CTNNA2: variants seen among roughly 807,000 people sequenced by gnomAD.
The protein encoded by CTNNA2 is catenin alpha-2.
A neutral mutation model predicts 101.0 loss-of-function variants in CTNNA2; 42 were observed. The ratio of observed to expected loss-of-function variants is 0.42; its 90% CI spans 0.32 to 0.54. The LOEUF (loss-of-function observed/expected upper bound fraction) is 0.54, where lower values mean the gene tolerates loss of function less well. Ranked by LOEUF, CTNNA2 falls within the 20% of genes least tolerant of loss-of-function variation. The probability of loss-of-function intolerance (pLI) is 0.14; values close to 1 mark genes in which losing one functional copy is unlikely to be tolerated. For synonymous variants in CTNNA2, 450 were observed against 456.4 expected (o/e 0.99, Z 0.18); for missense variants, 871 against 1,223.1 (o/e 0.71, Z 4.29).
intron 7 of CTNNA2, among the ~76,000 whole-genome samples, chr2:80,167,961 C>A (rs77980070): frequency 5.9e-5 from 9 of 152,116 alleles, no homozygotes; most frequent in Admixed American, 5.2e-4. Context: ...ATTTAATCAG[C>A]GTGTATTTGT....
chr2:80,518,664 A>G (rs1019768113), intron 9 of CTNNA2, among the ~76,000 whole-genome samples: 4 of 152,200 alleles, frequency 2.6e-5, no homozygotes, highest in Non-Finnish European at 4.4e-5. Flanking sequence ...TGTATATACC[A>G]TAAAAACACA....
intron 7 of CTNNA2, among the ~76,000 whole-genome samples, chr2:80,169,721 A>G (rs531424157): frequency 1.2e-4 from 19 of 152,222 alleles, no homozygotes; most frequent in African/African-American, 4.3e-4. Context: ...TCCTTTCACT[A>G]GCTCCGTGTC....
chr2:80,263,218 G>C (rs1420115570), intron 7 of CTNNA2, among the ~76,000 whole-genome samples: 2 of 152,164 alleles, frequency 1.3e-5, no homozygotes, highest in African/African-American at 2.4e-5. Context: ...GATTGGGTAT[G>C]AGAACAATTA....
chr2:79,602,392 A>C (rs2104093968), intron 1 of CTNNA2, among the ~76,000 whole-genome samples: 1 of 152,310 alleles, frequency 6.6e-6, no homozygotes, highest in East Asian at 1.9e-4. Context: ...CAAGGAATTG[A>C]CTAAACATTT....
At chr2:79,864,227 A>G (rs1681853805) in intron 4 of CTNNA2, among the ~76,000 whole-genome samples, 1 of 152,210 alleles carries the variant, frequency 6.6e-6, no homozygotes, top group Non-Finnish European at 1.5e-5. Context: ...AAGAAGGGAG[A>G]TGATAGATTC....
chr2:79,535,708 T>G (rs1361944733), intron 1 of CTNNA2, among the ~76,000 whole-genome samples: 1 of 152,114 alleles, frequency 6.6e-6, no homozygotes, highest in Admixed American at 6.5e-5. Flanking sequence ...GCTATCAGAA[T>G]TTTAGCTTCC....
At chr2:80,295,291 C>T (rs930106021) in intron 7 of CTNNA2, among the ~76,000 whole-genome samples, 10 of 151,468 alleles carry the variant, frequency 6.6e-5, no homozygotes, top group African/African-American at 1.7e-4. Flanking sequence ...GTCTCATGTG[C>T]GGGTGAGTGT....
intron 7 of CTNNA2, among the ~76,000 whole-genome samples, chr2:80,035,211 C>T (rs965943750): frequency 1.3e-5 from 2 of 152,022 alleles, no homozygotes; most frequent in African/African-American, 4.8e-5. Context: ...TTTTGTGTTA[C>T]AAAGGGAAAA....
chr2:79,785,415 C>T (rs1674762804), intron 3 of CTNNA2, among the ~76,000 whole-genome samples: 2 of 152,144 alleles, frequency 1.3e-5, no homozygotes, highest in South Asian at 4.1e-4. Context: ...AACTCTGTCC[C>T]TAAATGCATT....
In CTNNA2 at chr2:79,326,220, G is replaced by A. The variant is rs116015967; in HGVS notation, c.-318+13424G>A. 7.5e-3 allele frequency among the ~76,000 whole-genome samples: 1,145 copies of A among 151,898 alleles called. 19 individuals carry two copies. Among genetic ancestry groups the A allele is most frequent in the African/African-American group, 0.026 (1,066 of 41,416 alleles). ...GAACAAATAATAATGAAGGTGTTGAGGGATGTGAAAAGGAAAAAATGACTA... is the reference window on the plus strand; with the variant it reads ...GAACAAATAATAATGAAGGTGTTGAAGGATGTGAAAAGGAAAAAATGACTA... On this transcript the variant is annotated intron_variant, in intron 3 of 21. Transcript: ENST00000466387.
intron 17 of CTNNA2, chr2:80,618,724 T>G (rs1253732590): frequency 6.3e-6 from 1 of 158,386 alleles, no homozygotes; most frequent in Non-Finnish European, 1.4e-5. Flanking sequence ...CTTTAAGAGC[T>G]GCAGCCCTTG....
At chr2:79,677,089 CTT>C (rs1185002002) in intron 2 of CTNNA2, among the ~76,000 whole-genome samples, 4 of 152,158 alleles carry the variant, frequency 2.6e-5, no homozygotes, top group African/African-American at 4.8e-5. Context: ...ACCCAACTAA[CTT>C]TTGGATTTTT....
chr2:79,191,975 G>C (rs1349876562), intron 1 of CTNNA2, among the ~76,000 whole-genome samples: 1 of 152,156 alleles, frequency 6.6e-6, no homozygotes, highest in Non-Finnish European at 1.5e-5. Context: ...CACTTACCAG[G>C]AAGGAATGTT....
intron 12 of CTNNA2, among the ~76,000 whole-genome samples, chr2:80,563,731 C>T (rs1693811855): frequency 6.6e-6 from 1 of 152,094 alleles, no homozygotes; most frequent in Non-Finnish European, 1.5e-5. Context: ...TGATTTCTTC[C>T]TTGTCAGTGA....
intron 1 of CTNNA2, among the ~76,000 whole-genome samples, chr2:79,592,603 C>G (rs1249317137): frequency 5.3e-5 from 8 of 152,160 alleles, no homozygotes; most frequent in Non-Finnish European, 1.0e-4. Flanking sequence ...ACATCACACA[C>G]ATACCCCACA....
chr2:79,686,337 T>C (rs1033374354), intron 2 of CTNNA2, among the ~76,000 whole-genome samples: 1 of 152,158 alleles, frequency 6.6e-6, no homozygotes, highest in Non-Finnish European at 1.5e-5. Flanking sequence ...GCCACACTAA[T>C]TCCTGTGGCC....
chr2:79,480,728 C>G (rs1026683961), intron 4 of CTNNA2, among the ~76,000 whole-genome samples: 1 of 152,302 alleles, frequency 6.6e-6, no homozygotes, highest in East Asian at 1.9e-4. Context: ...ATGCTAAACA[C>G]TCTGGTACTT....
At position 80,304,259 on chromosome 2, in the gene CTNNA2, C is replaced by T. The variant is rs181654218; in HGVS notation, c.1057-88952C>T. The stretch of plus-strand genomic sequence containing the variant: ...CTGTGTTTCCGAGGCAGCCCCGGTC[C>T]GCGGCCGGCGGATCTGGCAGGCGCA... On this transcript the variant is annotated intron_variant, in intron 7 of 18. Transcript: ENST00000402739. 7.0e-4 allele frequency: 109 copies of T among 154,940 alleles called. No individual in the cohort carries two copies. In the East Asian group the frequency reaches 0.016, roughly 23 times the overall value. The allele number at this position is 154,940 out of a possible 1,614,324, so 9.6% of individuals were successfully genotyped here.
chr2:80,057,172 G>GTTT (rs1260783289), intron 7 of CTNNA2, among the ~76,000 whole-genome samples: 63 of 138,316 alleles, frequency 4.6e-4, no homozygotes, highest in African/African-American at 1.8e-3. Flanking sequence ...AAGTATATAA[G>GTTT]TTGTTTTTTT....
Sources: allele counts gnomAD v4.1 joint callset (sites outside exome capture counted in the v4.1 genomes callset), GRCh38; gene constraint gnomAD v4.1.1; transcripts MANE v1.5; gene names NCBI Gene and HGNC (gene_info 2026-07-23, HGNC 2026-07-21).